The following GRID1 variants were observed in gnomAD, a reference collection of about 807,000 sequenced individuals.
GRID1 encodes glutamate receptor ionotropic, delta-1.
A neutral mutation model predicts 98.0 loss-of-function variants in GRID1; 28 were observed. That is an observed-to-expected ratio of 0.29 (90% CI 0.21 to 0.39). The LOEUF is 0.39. Ranked by LOEUF, GRID1 falls within the 10% of genes least tolerant of loss-of-function variation. The pLI, the probability that GRID1 is intolerant of heterozygous loss-of-function variation, is 1.00. For synonymous variants in GRID1, 553 were observed against 538.5 expected, an observed-to-expected ratio of 1.03 and a Z score of -0.37; for missense variants, 1,111 against 1,340.5, an observed-to-expected ratio of 0.83 and a Z score of 2.67.
At chr10:85,825,697 G>T (rs1168206413) in intron 8 of GRID1, among the ~76,000 whole-genome samples, 1 of 152,004 alleles carries the variant, frequency 6.6e-6, no homozygotes, top group Non-Finnish European at 1.5e-5. Flanking sequence ...GGGGGCAAAA[G>T]AACTAATTTT....
chr10:85,624,194 T>C (rs74148722), intron 13 of GRID1, among the ~76,000 whole-genome samples: 2,266 of 152,284 alleles, frequency 0.015, 65 homozygotes, highest in African/African-American at 0.052. Flanking sequence ...GCCTAAAAGA[T>C]AAAAGGGATG....
At chr10:86,229,208 G>T (rs968837484) in intron 2 of GRID1, among the ~76,000 whole-genome samples, 5 of 152,132 alleles carry the variant, frequency 3.3e-5, no homozygotes, top group African/African-American at 1.2e-4. Flanking sequence ...TTCAGCCTAA[G>T]CCAGGCCACC....
chr10:86,244,702 C>T (rs953069126), intron 2 of GRID1, among the ~76,000 whole-genome samples: 3 of 152,206 alleles, frequency 2.0e-5, no homozygotes, highest in Non-Finnish European at 4.4e-5. Flanking sequence ...GCAGCCATGG[C>T]CCCCTCCCTA....
At chr10:85,939,765 A>G (rs1433583426) in intron 4 of GRID1, among the ~76,000 whole-genome samples, 1 of 152,128 alleles carries the variant, frequency 6.6e-6, no homozygotes, top group Non-Finnish European at 1.5e-5. Flanking sequence ...CATTGGTTCC[A>G]AGAGTTAAGA....
chr10:85,809,719 A>G (rs1265553683), intron 8 of GRID1, among the ~76,000 whole-genome samples: 3 of 152,226 alleles, frequency 2.0e-5, no homozygotes, highest in Non-Finnish European at 4.4e-5. Context: ...AAGTCATTTC[A>G]GTGTTCAGAG....
chr10:85,945,633 A>T (rs985513029), intron 4 of GRID1, among the ~76,000 whole-genome samples: 3 of 152,248 alleles, frequency 2.0e-5, no homozygotes, highest in African/African-American at 7.2e-5. Context: ...ATTTCAAAGC[A>T]CATTGAAACC....
intron 12 of GRID1, among the ~76,000 whole-genome samples, chr10:85,705,154 C>G (rs1005847849): frequency 6.6e-6 from 1 of 152,082 alleles, no homozygotes; most frequent in Non-Finnish European, 1.5e-5. Flanking sequence ...ACACAAAAAA[C>G]CCTTCAAAAA....
chr10:85,687,863 G>T (rs1035034006), intron 12 of GRID1, among the ~76,000 whole-genome samples: 1 of 152,188 alleles, frequency 6.6e-6, no homozygotes, highest in African/African-American at 2.4e-5. Context: ...TGTTTTGGGG[G>T]AGAGGGGCTA....
chr10:85,655,995 A>G (rs1192162611), intron 12 of GRID1, among the ~76,000 whole-genome samples: 1 of 152,080 alleles, frequency 6.6e-6, no homozygotes, highest in Non-Finnish European at 1.5e-5. Context: ...CTCAAAAAAA[A>G]AAAAAGTCCT....
chr10:86,334,057 C>T (rs149438516), intron 2 of GRID1, among the ~76,000 whole-genome samples: 62 of 152,156 alleles, frequency 4.1e-4, no homozygotes, highest in Non-Finnish European at 7.9e-4. Context: ...AGGGGAAGCC[C>T]CTCACCTCCT....
intron 3 of GRID1, among the ~76,000 whole-genome samples, chr10:86,151,266 T>G (rs1025941719): frequency 1.4e-4 from 22 of 152,128 alleles, no homozygotes; most frequent in Admixed American, 3.3e-4. Flanking sequence ...CTGAGGTAGG[T>G]GCCTGGCACA....
At chr10:85,761,455 A>G (rs1322617358) in intron 8 of GRID1, among the ~76,000 whole-genome samples, 1 of 152,232 alleles carries the variant, frequency 6.6e-6, no homozygotes, top group African/African-American at 2.4e-5. Flanking sequence ...TGGGGACTAG[A>G]GAGCCAATGC....
At chr10:86,252,292 C>A (rs2132049834) in intron 2 of GRID1, among the ~76,000 whole-genome samples, 1 of 152,328 alleles carries the variant, frequency 6.6e-6, no homozygotes, top group South Asian at 2.1e-4. Context: ...CAGCCTCGGG[C>A]TGTCCAACTC....
chr10:86,100,179 A>G (rs1343101919), intron 4 of GRID1, among the ~76,000 whole-genome samples: 3 of 152,210 alleles, frequency 2.0e-5, no homozygotes, highest in Non-Finnish European at 1.5e-5. Flanking sequence ...CTGGCTTCAA[A>G]GGCTTATTGT....
intron 5 of GRID1, among the ~76,000 whole-genome samples, chr10:85,870,180 A>G (rs927666499): frequency 5.9e-5 from 9 of 152,232 alleles, no homozygotes; most frequent in Admixed American, 5.9e-4. Context: ...CATAGGTAGA[A>G]TAAAGCAGGC....
intron 2 of GRID1, among the ~76,000 whole-genome samples, chr10:86,318,233 T>C (rs535769239): frequency 6.6e-6 from 1 of 152,354 alleles, no homozygotes; most frequent in Admixed American, 6.5e-5. Flanking sequence ...GGAGTGGCTG[T>C]CTAACCTGCT....
At chr10:86,104,916 A>T (rs1844358914) in intron 4 of GRID1, among the ~76,000 whole-genome samples, 1 of 152,218 alleles carries the variant, frequency 6.6e-6, no homozygotes, top group Admixed American at 6.5e-5. Context: ...TGAGAGCAGG[A>T]AGCCAGTGAA....
At chr10:86,089,638 A>T (rs1267644134) in intron 4 of GRID1, among the ~76,000 whole-genome samples, 1 of 152,256 alleles carries the variant, frequency 6.6e-6, no homozygotes. Flanking sequence ...ATTTTTAAAC[A>T]GCTAGCATAA....
At chr10:86,091,145 T>C (rs186621490) in intron 4 of GRID1, among the ~76,000 whole-genome samples, 24 of 152,208 alleles carry the variant, frequency 1.6e-4, no homozygotes, top group Non-Finnish European at 1.5e-4. Context: ...TGGCCAGAAC[T>C]TGGGGAAGGG....
Sources: allele counts gnomAD v4.1 joint callset (sites outside exome capture counted in the v4.1 genomes callset), GRCh38; gene constraint gnomAD v4.1.1; transcripts MANE v1.5; gene names NCBI Gene and HGNC (gene_info 2026-07-23, HGNC 2026-07-21).